NEK11: variants seen among roughly 807,000 people sequenced by gnomAD.
The protein encoded by NEK11 is NIMA related kinase 11.
Under a neutral mutation model 80.7 loss-of-function variants are expected in NEK11, and 72 were observed. The observed-to-expected ratio is 0.89, with a 90% confidence interval of 0.74 to 1.08. The LOEUF (loss-of-function observed/expected upper bound fraction) is 1.08. Among genes scored for constraint, NEK11 ranks in the 50% least tolerant of loss-of-function variants. The pLI is 0.00. For synonymous variants in NEK11, 251 were observed against 260.7 expected (o/e 0.96, Z 0.36); for missense variants, 764 against 763.6 (o/e 1.00, Z -0.01).
At chr3:131,189,989 G>A (rs562110431) in intron 14 of NEK11, among the ~76,000 whole-genome samples, 22 of 152,156 alleles carry the variant, frequency 1.4e-4, no homozygotes, top group South Asian at 4.2e-4. Flanking sequence ...CTCACTTACC[G>A]TAAGACTTTA....
At chr3:131,172,404 G>A (rs1417977580) in intron 14 of NEK11, among the ~76,000 whole-genome samples, 1 of 152,250 alleles carries the variant, frequency 6.6e-6, no homozygotes, top group African/African-American at 2.4e-5. Context: ...TGCACTTGAA[G>A]TCTTCTTACT....
At chr3:131,192,888 G>T (rs1468255767) in intron 14 of NEK11, among the ~76,000 whole-genome samples, 2 of 152,132 alleles carry the variant, frequency 1.3e-5, no homozygotes, top group African/African-American at 4.8e-5. Flanking sequence ...CAGTGTGATG[G>T]TGTGGTAATC....
chr3:131,234,675 C>A (rs1291137785), intron 15 of NEK11, among the ~76,000 whole-genome samples: 1 of 152,090 alleles, frequency 6.6e-6, no homozygotes, highest in Non-Finnish European at 1.5e-5. Flanking sequence ...TCCCCCTTCT[C>A]TCTCTCCCAT....
intron 4 of NEK11, among the ~76,000 whole-genome samples, chr3:131,104,529 G>A (rs1292732420): frequency 6.6e-6 from 1 of 152,074 alleles, no homozygotes; most frequent in Non-Finnish European, 1.5e-5. Flanking sequence ...GCCTCTGGGA[G>A]CTCCATCCCA....
chr3:131,118,559 G>C (rs1322791970), intron 5 of NEK11, among the ~76,000 whole-genome samples: 2 of 152,064 alleles, frequency 1.3e-5, no homozygotes, highest in African/African-American at 4.8e-5. Flanking sequence ...ACCAATTCAT[G>C]TTTGTACCTC....
intron 17 of NEK11, among the ~76,000 whole-genome samples, chr3:131,274,328 T>C (rs1167728558): frequency 6.8e-6 from 1 of 146,598 alleles, no homozygotes; most frequent in Non-Finnish European, 1.5e-5. Context: ...ATGGTGTATA[T>C]GTGCCACATT....
At chr3:131,139,847 A>ATCTT (rs1221245721) in intron 7 of NEK11, among the ~76,000 whole-genome samples, 3 of 152,192 alleles carry the variant, frequency 2.0e-5, no homozygotes, top group Non-Finnish European at 4.4e-5. Context: ...TTGGGATTGA[A>ATCTT]TCTTTCAAAT....
intron 14 of NEK11, among the ~76,000 whole-genome samples, chr3:131,197,917 T>G (rs1210277823): frequency 2.0e-5 from 3 of 152,120 alleles, no homozygotes; most frequent in Admixed American, 6.6e-5. Flanking sequence ...TCCTTTCTGA[T>G]GATGATGGCA....
At chr3:131,104,652 C>T (rs927780559) in intron 4 of NEK11, among the ~76,000 whole-genome samples, 2 of 152,118 alleles carry the variant, frequency 1.3e-5, no homozygotes, top group Non-Finnish European at 2.9e-5. Flanking sequence ...CAGCACCGTG[C>T]GTGTGGTACC....
At chr3:131,097,214 T>G (rs1376333165) in intron 4 of NEK11, among the ~76,000 whole-genome samples, 3 of 152,054 alleles carry the variant, frequency 2.0e-5, no homozygotes, top group African/African-American at 7.3e-5. Context: ...TGTGTCTTTA[T>G]AGCAGCATGA....
At chr3:131,082,636 C>T (rs903961463) in intron 4 of NEK11, among the ~76,000 whole-genome samples, 7 of 152,158 alleles carry the variant, frequency 4.6e-5, no homozygotes, top group African/African-American at 1.4e-4. Flanking sequence ...TGTGGCTCCT[C>T]GCTACCGTAT....
chr3:131,250,529 A>T (rs1289131941), intron 16 of NEK11, among the ~76,000 whole-genome samples: 1 of 152,116 alleles, frequency 6.6e-6, no homozygotes, highest in Non-Finnish European at 1.5e-5. Flanking sequence ...AAGTTCCTAG[A>T]GGATATGCGT....
At chr3:131,253,024 A>C (rs1357556128) in intron 16 of NEK11, among the ~76,000 whole-genome samples, 1 of 152,074 alleles carries the variant, frequency 6.6e-6, no homozygotes, top group Non-Finnish European at 1.5e-5. Flanking sequence ...GGCACTGTGC[A>C]TAAGAGTTAC....
chr3:131,306,878 T>G (rs1198469399), intron 17 of NEK11, among the ~76,000 whole-genome samples: 2 of 152,104 alleles, frequency 1.3e-5, no homozygotes, highest in Non-Finnish European at 2.9e-5. Context: ...CAGGAATTCA[T>G]CAGTTACAGT....
chr3:131,267,905 A>C (rs1455969329), intron 16 of NEK11, among the ~76,000 whole-genome samples: 1 of 152,132 alleles, frequency 6.6e-6, no homozygotes, highest in South Asian at 2.1e-4. Flanking sequence ...ACTTTCAGGT[A>C]CACCAATCAA....
At chr3:131,042,064 T>C (rs1201417538) in intron 3 of NEK11, among the ~76,000 whole-genome samples, 1 of 152,178 alleles carries the variant, frequency 6.6e-6, no homozygotes, top group African/African-American at 2.4e-5. Context: ...AACAGTGCAT[T>C]CCAGCTCAGC....
chr3:131,172,141 C>G (rs533979052), intron 14 of NEK11, among the ~76,000 whole-genome samples: 110 of 152,264 alleles, frequency 7.2e-4, no homozygotes, highest in African/African-American at 2.4e-3. Context: ...ACAGGCCTGC[C>G]TTTGTATTCC....
chr3:131,249,372 G>A (rs946815749), intron 16 of NEK11, among the ~76,000 whole-genome samples: 2 of 152,046 alleles, frequency 1.3e-5, no homozygotes, highest in East Asian at 3.9e-4. Context: ...TGAAGGCATG[G>A]TATAGGTGAA....
At chr3:131,175,252 T>C (rs904348001) in intron 14 of NEK11, 4 of 377,300 alleles carry the variant, frequency 1.1e-5, no homozygotes, top group Non-Finnish European at 1.1e-5. Flanking sequence ...AATTCCACTT[T>C]TAGATAGTTA....
Sources: allele counts gnomAD v4.1 joint callset (sites outside exome capture counted in the v4.1 genomes callset), GRCh38; gene constraint gnomAD v4.1.1; transcripts MANE v1.5; gene names NCBI Gene and HGNC (gene_info 2026-07-23, HGNC 2026-07-21).